COL23A1: variants seen among roughly 807,000 people sequenced by gnomAD.
COL23A1 encodes the protein collagen type XXIII alpha 1 chain, also known as collagen alpha-1(XXIII) chain.
A neutral mutation model predicts 99.3 loss-of-function variants in COL23A1; 97 were observed. The observed-to-expected ratio is 0.98, with a 90% CI of 0.83 to 1.16. The LOEUF (loss-of-function observed/expected upper bound fraction) is 1.16. COL23A1 is among the 50% of genes most tolerant of loss of function. The probability of loss-of-function intolerance (pLI) is 0.00; values close to 1 mark genes in which losing one functional copy is unlikely to be tolerated. For missense variants in COL23A1, 762 were observed against 757.4 expected, an observed-to-expected ratio of 1.01 and a Z score of -0.07; for synonymous variants, 320 against 308.2, an observed-to-expected ratio of 1.04 and a Z score of -0.40.
chr5:178,464,485 G>A (rs1187296024), intron 2 of COL23A1, among the ~76,000 whole-genome samples: 1 of 152,106 alleles, frequency 6.6e-6, no homozygotes, highest in Admixed American at 6.5e-5. Flanking sequence ...GTTTCAATGT[G>A]CACGTACCCC....
intron 2 of COL23A1, among the ~76,000 whole-genome samples, chr5:178,360,715 G>GGA (rs559933489): frequency 1.4e-4 from 21 of 152,348 alleles, no homozygotes; most frequent in African/African-American, 4.8e-4. Context: ...TGGCACACCT[G>GGA]GTCATGGAGT....
chr5:178,489,842 C>T (rs1484830675), intron 2 of COL23A1, among the ~76,000 whole-genome samples: 1 of 152,164 alleles, frequency 6.6e-6, no homozygotes, highest in Admixed American at 6.6e-5. Flanking sequence ...GCACTATTTA[C>T]AATACCCAAG....
intron 2 of COL23A1, among the ~76,000 whole-genome samples, chr5:178,357,362 G>T (rs905955324): frequency 1.3e-5 from 2 of 152,198 alleles, no homozygotes; most frequent in African/African-American, 4.8e-5. Flanking sequence ...TGGGGTCGGG[G>T]GGTCAGCTTG....
chr5:178,383,516 C>A (rs1763496766), intron 2 of COL23A1, among the ~76,000 whole-genome samples: 1 of 152,216 alleles, frequency 6.6e-6, no homozygotes, highest in African/African-American at 2.4e-5. Flanking sequence ...GCCTGGCACC[C>A]AATTTGGGAT....
intron 1 of COL23A1, among the ~76,000 whole-genome samples, chr5:178,582,644 A>G (rs895390579): frequency 6.6e-6 from 1 of 152,118 alleles, no homozygotes; most frequent in African/African-American, 2.4e-5. Flanking sequence ...CTCCTCATCT[A>G]GAGCCTTCCC....
chr5:178,327,651 C>T (rs1455195718), intron 2 of COL23A1, among the ~76,000 whole-genome samples: 1 of 152,130 alleles, frequency 6.6e-6, no homozygotes, highest in Admixed American at 6.5e-5. Context: ...CGCAGCAGAG[C>T]CCACGTGCTG....
At chr5:178,397,309 C>A (rs181944963) in intron 2 of COL23A1, among the ~76,000 whole-genome samples, 1 of 152,234 alleles carries the variant, frequency 6.6e-6, no homozygotes, top group Non-Finnish European at 1.5e-5. Flanking sequence ...GTTAGCAAGA[C>A]GCAAGGAGGG....
intron 12 of COL23A1, 21 bp from the exon 13 acceptor site, chr5:178,257,588 G>T (rs2127546450): frequency 6.4e-7 from 1 of 1,552,820 alleles, no homozygotes; most frequent in Non-Finnish European, 8.7e-7. Flanking sequence ...GACACCTGGG[G>T]CTTGCCGGTC....
intron 27 of COL23A1, among the ~76,000 whole-genome samples, chr5:178,240,987 T>C (rs2127522778): frequency 6.6e-6 from 1 of 152,222 alleles, no homozygotes; most frequent in Non-Finnish European, 1.5e-5. Context: ...ACACCTGTCG[T>C]CCCAGCACTC....
At chr5:178,574,090 C>T (rs1432642290) in intron 1 of COL23A1, among the ~76,000 whole-genome samples, 1 of 152,112 alleles carries the variant, frequency 6.6e-6, no homozygotes, top group Non-Finnish European at 1.5e-5. Flanking sequence ...AACTCCTGAC[C>T]TCAAGTGATC....
At chr5:178,510,367 C>T (rs1476772410) in intron 2 of COL23A1, among the ~76,000 whole-genome samples, 1 of 152,130 alleles carries the variant, frequency 6.6e-6, no homozygotes, top group African/African-American at 2.4e-5. Context: ...CATGGTGAAA[C>T]CCTGTCTCTA....
At chr5:178,277,236 C>CATGCCTGTA (rs1342932933) in intron 5 of COL23A1, among the ~76,000 whole-genome samples, 2 of 149,656 alleles carry the variant, frequency 1.3e-5, no homozygotes, top group Admixed American at 1.3e-4. Context: ...TGTGGTGGCA[C>CATGCCTGTA]ATGCCTGTAG....
chr5:178,435,064 T>A (rs1244456110), intron 2 of COL23A1, among the ~76,000 whole-genome samples: 1 of 152,198 alleles, frequency 6.6e-6, no homozygotes, highest in African/African-American at 2.4e-5. Flanking sequence ...CGAGCAATAA[T>A]CTTTTCGTCT....
At chr5:178,403,137 A>AAAAAGAG (rs1561940793) in intron 2 of COL23A1, among the ~76,000 whole-genome samples, 1 of 137,060 alleles carries the variant, frequency 7.3e-6, no homozygotes, top group African/African-American at 2.8e-5. Flanking sequence ...TAAATAAAAA[A>AAAAAGAG]TAAATACCAT....
chr5:178,338,578 T>C (rs1760478837), intron 2 of COL23A1, among the ~76,000 whole-genome samples: 1 of 151,214 alleles, frequency 6.6e-6, no homozygotes, highest in Non-Finnish European at 1.5e-5. Flanking sequence ...GGGTAGCTCC[T>C]GGGTCACTGG....
chr5:178,533,124 A>G (rs182250615), intron 2 of COL23A1, among the ~76,000 whole-genome samples: 14 of 152,304 alleles, frequency 9.2e-5, no homozygotes, highest in African/African-American at 2.6e-4. Flanking sequence ...TGAGATTGTG[A>G]CTACCTTGGA....
chr5:178,528,539 C>T (rs141014838), intron 2 of COL23A1, among the ~76,000 whole-genome samples: 6 of 152,326 alleles, frequency 3.9e-5, no homozygotes, highest in South Asian at 2.1e-4. Flanking sequence ...CAAGGCCGGG[C>T]GCAGTGGCTC....
chr5:178,568,970 T>C (rs763437624), intron 1 of COL23A1, among the ~76,000 whole-genome samples: 2 of 152,178 alleles, frequency 1.3e-5, no homozygotes, highest in African/African-American at 2.4e-5. Context: ...CATATGGTAA[T>C]TTCACATTTA....
intron 1 of COL23A1, among the ~76,000 whole-genome samples, chr5:178,573,077 C>T (rs1763185052): frequency 6.6e-6 from 1 of 152,134 alleles, no homozygotes; most frequent in African/African-American, 2.4e-5. Context: ...CTGAACGAGG[C>T]AGGAGGAAAC....
Sources: allele counts gnomAD v4.1 joint callset (sites outside exome capture counted in the v4.1 genomes callset), GRCh38; gene constraint gnomAD v4.1.1; transcripts MANE v1.5; gene names NCBI Gene and HGNC (gene_info 2026-07-23, HGNC 2026-07-21).